The following BARX2 variants were observed in gnomAD, a reference collection of about 807,000 sequenced individuals.
BARX2 encodes the protein homeobox protein BarH-like 2.
Under a neutral mutation model 25.5 loss-of-function variants are expected in BARX2, and 11 were observed. That is an observed-to-expected ratio of 0.43 (90% CI 0.27 to 0.71). The LOEUF is 0.71. Ranked by LOEUF, BARX2 falls within the 30% of genes least tolerant of loss-of-function variation. The pLI is 0.19. For missense variants in BARX2, 360 were observed against 359.9 expected (o/e 1.00, Z 0.00); for synonymous variants, 137 against 149.5 (o/e 0.92, Z 0.61).
At chr11:129,427,021 T>C (rs977581093) in intron 1 of BARX2, among the ~76,000 whole-genome samples, 3 of 152,182 alleles carry the variant, frequency 2.0e-5, no homozygotes, top group Non-Finnish European at 2.9e-5. Context: ...TGCATGTGAA[T>C]GCACAGATGA....
chr11:129,445,954 C>T (rs1403951635), intron 3 of BARX2, among the ~76,000 whole-genome samples: 2 of 152,064 alleles, frequency 1.3e-5, no homozygotes, highest in Non-Finnish European at 2.9e-5. Context: ...AGGCTAGTAA[C>T]CTAATTGGAA....
chr11:129,452,106 C>A lies in BARX2; in HGVS notation c.*704C>A, dbSNP rs1219936535. ...AGGGTTCCATTATTGGAACCCTAAG[C>A]TTGTGGGAGTTATTTCTATCCTACT... On this transcript the variant is annotated 3_prime_UTR_variant, in exon 4 of 4. Coordinates refer to ENST00000281437, the MANE Select transcript of BARX2 (RefSeq NM_003658.5). The A allele has an allele frequency of 6.6e-6, 1 of 151,708 alleles. No individual in the cohort carries two copies. The highest frequency in any genetic ancestry group is 1.5e-5 in the Non-Finnish European group (1 of 67,976). 9.4% of individuals were successfully genotyped at this position (151,708 alleles called of 1,614,324 possible).
At chr11:129,439,301 C>CAA (rs1862229961) in intron 2 of BARX2, among the ~76,000 whole-genome samples, 2 of 152,060 alleles carry the variant, frequency 1.3e-5, no homozygotes, top group South Asian at 4.2e-4. Flanking sequence ...TATTATACTT[C>CAA]AAGTTCTGGG....
intron 1 of BARX2, among the ~76,000 whole-genome samples, chr11:129,388,254 A>T (rs1462926681): frequency 1.3e-5 from 2 of 152,000 alleles, no homozygotes; most frequent in Non-Finnish European, 2.9e-5. Flanking sequence ...TCCTGTGGTG[A>T]TTGGGGTTTC....
In BARX2 at chr11:129,442,931, G is replaced by A; in HGVS notation, c.573+12G>A. On this transcript the variant is annotated intron_variant, in intron 3 of 3. Coordinates refer to ENST00000281437, the MANE Select transcript of BARX2 (RefSeq NM_003658.5). ...AATGGAAGAAAATGGTAAGAAAGGA[G>A]TGACTAACCATGATCCCTTCCTGAT... 6.2e-7 allele frequency: 1 copy of A among 1,603,510 alleles called. No individual in the cohort carries two copies. Among genetic ancestry groups the A allele is most frequent in the South Asian group, 1.1e-5 (1 of 90,876 alleles).
At chr11:129,443,986 A>G (rs1298308540) in intron 3 of BARX2, among the ~76,000 whole-genome samples, 1 of 152,042 alleles carries the variant, frequency 6.6e-6, no homozygotes, top group Non-Finnish European at 1.5e-5. Flanking sequence ...TGCCTTCATG[A>G]TGACATTCTA....
chr11:129,439,195 A>G (rs1345711517), intron 2 of BARX2, among the ~76,000 whole-genome samples: 3 of 152,210 alleles, frequency 2.0e-5, no homozygotes, highest in East Asian at 3.9e-4. Context: ...GGGACCAGTT[A>G]GGAGAGAATC....
At chr11:129,434,635 T>A (rs535294489) in intron 1 of BARX2, among the ~76,000 whole-genome samples, 1 of 152,274 alleles carries the variant, frequency 6.6e-6, no homozygotes, top group East Asian at 1.9e-4. Context: ...TTGAGAGATA[T>A]TAATATATAG....
At chr11:129,377,655 G>C (rs1294446338) in intron 1 of BARX2, among the ~76,000 whole-genome samples, 1 of 152,202 alleles carries the variant, frequency 6.6e-6, no homozygotes, top group Non-Finnish European at 1.5e-5. Flanking sequence ...CTGAATAGGG[G>C]TGATAAGTTG....
chr11:129,420,729 A>T (rs937518732), intron 1 of BARX2, among the ~76,000 whole-genome samples: 1 of 152,322 alleles, frequency 6.6e-6, no homozygotes, highest in South Asian at 2.1e-4. Context: ...GTTGATATGC[A>T]TGCATTAATA....
chr11:129,384,421 G>T (rs779408035), intron 1 of BARX2, among the ~76,000 whole-genome samples: 10 of 152,090 alleles, frequency 6.6e-5, no homozygotes, highest in Non-Finnish European at 8.8e-5. Flanking sequence ...CCCTGATATT[G>T]ATAACCTGCC....
intron 1 of BARX2, among the ~76,000 whole-genome samples, chr11:129,396,027 T>C (rs1861716865): frequency 6.6e-6 from 1 of 152,030 alleles, no homozygotes; most frequent in Non-Finnish European, 1.5e-5. Context: ...AAGCTAGGGG[T>C]GTAATAATAA....
intron 1 of BARX2, among the ~76,000 whole-genome samples, chr11:129,421,478 T>C (rs1862003680): frequency 1.3e-5 from 2 of 152,226 alleles, no homozygotes; most frequent in Non-Finnish European, 1.5e-5. Context: ...CCTGTGTGCA[T>C]TGGATGCATA....
chr11:129,419,272 A>G (rs536663966), intron 1 of BARX2, among the ~76,000 whole-genome samples: 85 of 152,126 alleles, frequency 5.6e-4, no homozygotes, highest in African/African-American at 1.8e-3. Flanking sequence ...TATTTATTTC[A>G]GTGTTTCATA....
At chr11:129,378,846 A>G (rs1861532267) in intron 1 of BARX2, among the ~76,000 whole-genome samples, 1 of 150,732 alleles carries the variant, frequency 6.6e-6, no homozygotes. Context: ...ACAGCATTAA[A>G]AAAAAAAAAA....
At chr11:129,440,970 A>T (rs923323411) in intron 2 of BARX2, among the ~76,000 whole-genome samples, 19 of 152,162 alleles carry the variant, frequency 1.2e-4, no homozygotes, top group African/African-American at 4.6e-4. Flanking sequence ...GCTGCATTCG[A>T]AGTCCACACT....
intron 3 of BARX2, among the ~76,000 whole-genome samples, chr11:129,445,340 C>G (rs1043787180): frequency 6.6e-6 from 1 of 152,226 alleles, no homozygotes; most frequent in Non-Finnish European, 1.5e-5. Context: ...TATCAGCAAT[C>G]TTTTCGTGAG....
At chr11:129,410,207 T>A (rs1861871696) in intron 1 of BARX2, among the ~76,000 whole-genome samples, 1 of 152,220 alleles carries the variant, frequency 6.6e-6, no homozygotes, top group African/African-American at 2.4e-5. Flanking sequence ...TTTTAATCTA[T>A]TTTTTATTTT....
At chr11:129,386,837 A>C (rs1162173160) in intron 1 of BARX2, among the ~76,000 whole-genome samples, 1 of 152,214 alleles carries the variant, frequency 6.6e-6, no homozygotes, top group East Asian at 1.9e-4. Flanking sequence ...TTGTACAATC[A>C]AGAGTTTGCC....
Sources: gnomAD v4.1 joint callset for allele counts (sites outside exome capture counted in the v4.1 genomes callset) on GRCh38, gnomAD v4.1.1 for gene constraint, MANE v1.5 for transcripts, NCBI Gene and HGNC (gene_info 2026-07-23, HGNC 2026-07-21) for gene names.